The following ENTREP2 variants were observed in gnomAD, a reference collection of about 807,000 sequenced individuals.
ENTREP2 encodes endosomal transmembrane epsin interactor 2.
chr15:29,359,643 C>T, the ENTREP2 span, among the ~76,000 whole-genome samples: 1 of 152,126 alleles, frequency 6.6e-6, no homozygotes, highest in Non-Finnish European at 1.5e-5. Flanking sequence ...GATCTCCTGA[C>T]CTCGTGATCT....
At chr15:29,666,857 C>T in the ENTREP2 span, among the ~76,000 whole-genome samples, 1 of 152,248 alleles carries the variant, frequency 6.6e-6, no homozygotes, top group Non-Finnish European at 1.5e-5. Context: ...ATCAAGGTGT[C>T]TGCAGGGCCA....
the ENTREP2 span, among the ~76,000 whole-genome samples, chr15:29,488,279 AT>A: frequency 7.2e-5 from 11 of 152,208 alleles, no homozygotes; most frequent in African/African-American, 2.7e-4. Context: ...CACCAACTGA[AT>A]TTTTTTAAAA....
At chr15:29,595,099 T>TAAAAAAAG in the ENTREP2 span, among the ~76,000 whole-genome samples, 1 of 82,618 alleles carries the variant, frequency 1.2e-5, no homozygotes, top group Non-Finnish European at 2.6e-5. Context: ...AAAAAAAAAT[T>TAAAAAAAG]TAAAATTAGC....
the ENTREP2 span, among the ~76,000 whole-genome samples, chr15:29,152,753 T>G: frequency 6.6e-6 from 1 of 152,252 alleles, no homozygotes; most frequent in Admixed American, 6.5e-5. Flanking sequence ...AGCCTTTGTT[T>G]ATAGGTTTTT....
At chr15:29,587,569 T>A in the ENTREP2 span, among the ~76,000 whole-genome samples, 5 of 152,184 alleles carry the variant, frequency 3.3e-5, no homozygotes, top group African/African-American at 1.2e-4. Context: ...AAACAACTCA[T>A]TATCTTAAAA....
chr15:29,234,380 G>T, the ENTREP2 span: 1 of 1,561,426 alleles, frequency 6.4e-7, no homozygotes, highest in South Asian at 1.1e-5. Flanking sequence ...CACTCTGCAG[G>T]ACTTATTATT....
At chr15:29,499,297 T>G in the ENTREP2 span, among the ~76,000 whole-genome samples, 1 of 130,846 alleles carries the variant, frequency 7.6e-6, no homozygotes, top group African/African-American at 3.2e-5. Flanking sequence ...TCTTCATCTT[T>G]TCTGTATCTA....
chr15:29,540,407 A>G, the ENTREP2 span, among the ~76,000 whole-genome samples: 1 of 152,252 alleles, frequency 6.6e-6, no homozygotes, highest in Non-Finnish European at 1.5e-5. Context: ...TCAAAAAGAA[A>G]GAAAGAAAGA....
chr15:29,634,075 C>T, the ENTREP2 span, among the ~76,000 whole-genome samples: 5 of 152,156 alleles, frequency 3.3e-5, no homozygotes, highest in Non-Finnish European at 7.3e-5. Context: ...AAGCTGGCCA[C>T]ACCTGGCACC....
At chr15:29,355,414 CT>C in the ENTREP2 span, among the ~76,000 whole-genome samples, 244 of 139,946 alleles carry the variant, frequency 1.7e-3, no homozygotes, top group Non-Finnish European at 1.6e-3. Flanking sequence ...GTCCCATTGG[CT>C]TTTTTTTTTT....
At chr15:29,407,752 A>C in the ENTREP2 span, among the ~76,000 whole-genome samples, 105,661 of 151,888 alleles carry the variant, frequency 0.7, 37,499 homozygotes, top group African/African-American at 0.83. Context: ...ACTGCAACAT[A>C]CACCTCCCAA....
the ENTREP2 span, among the ~76,000 whole-genome samples, chr15:29,391,399 G>A: frequency 3.2e-4 from 48 of 152,040 alleles, 1 homozygote; most frequent in East Asian, 8.5e-3. Flanking sequence ...GATAGAAAAA[G>A]AACTCTGCAG....
the ENTREP2 span, among the ~76,000 whole-genome samples, chr15:29,647,607 A>AAAATAC: frequency 9.2e-5 from 14 of 152,296 alleles, no homozygotes; most frequent in African/African-American, 2.6e-4. Context: ...ATTTAGAATG[A>AAAATAC]CTAACAGTAT....
At chr15:29,431,869 A>G in the ENTREP2 span, among the ~76,000 whole-genome samples, 1 of 152,194 alleles carries the variant, frequency 6.6e-6, no homozygotes, top group African/African-American at 2.4e-5. Context: ...CTCATTTTCT[A>G]TTCTTCAAAT....
the ENTREP2 span, among the ~76,000 whole-genome samples, chr15:29,557,690 T>A: frequency 9.9e-4 from 150 of 152,264 alleles, no homozygotes; most frequent in African/African-American, 3.4e-3. Flanking sequence ...AAGGAATAAA[T>A]GACAACTTGT....
At chr15:29,168,021 A>C in the ENTREP2 span, among the ~76,000 whole-genome samples, 389 of 152,352 alleles carry the variant, frequency 2.6e-3, 2 homozygotes, top group African/African-American at 8.8e-3. Context: ...CAGCATTTGC[A>C]GTGACCTGGA....
the ENTREP2 span, chr15:29,374,823 G>GT: frequency 6.6e-6 from 1 of 152,040 alleles, no homozygotes; most frequent in Admixed American, 6.5e-5. Flanking sequence ...TGCAATGCCT[G>GT]TAAGTCCACT....
chr15:29,461,877 A>C, the ENTREP2 span, among the ~76,000 whole-genome samples: 2 of 152,118 alleles, frequency 1.3e-5, no homozygotes, highest in African/African-American at 4.8e-5. Flanking sequence ...TCCAAGACTG[A>C]AACTCTGCAC....
the ENTREP2 span, chr15:29,136,492 G>A: frequency 6.5e-7 from 1 of 1,548,208 alleles, no homozygotes. Flanking sequence ...CAAAGTCCAG[G>A]TGGAGGCCCC....
Sources: allele counts gnomAD v4.1 joint callset (sites outside exome capture counted in the v4.1 genomes callset), GRCh38; gene constraint gnomAD v4.1.1; transcripts MANE v1.5; gene names NCBI Gene and HGNC (gene_info 2026-07-23, HGNC 2026-07-21).